The following GCDH variants were observed in gnomAD, a reference collection of about 807,000 sequenced individuals.
GCDH encodes the protein glutaryl-CoA dehydrogenase, also known as glutaryl-CoA dehydrogenase, mitochondrial.
In GCDH, 31 loss-of-function variants were observed where a neutral mutation model predicts 52.8. The ratio of observed to expected loss-of-function variants is 0.59; its 90% CI spans 0.44 to 0.79. The LOEUF is 0.79. Ranked by LOEUF, GCDH falls within the 30% of genes least tolerant of loss-of-function variation. GCDH has a pLI of 0.00. For synonymous variants in GCDH, 242 were observed against 250.0 expected (o/e 0.97, Z 0.30); for missense variants, 509 against 595.0 (o/e 0.86, Z 1.50).
At position 12,896,471 on chromosome 19, in the gene GCDH, G is replaced by A; in HGVS notation, c.852+50G>A. The A allele has an allele frequency of 1.4e-6, 2 of 1,381,884 alleles. No homozygotes were observed. Among genetic ancestry groups the A allele is most frequent in the South Asian group, 1.2e-5 (1 of 83,598 alleles). 85.6% of individuals were successfully genotyped at this position (1,381,884 alleles called of 1,614,324 possible). ...GGGTGTTGGGTCACCTGCGGATGCG[G>A]CTTTGTCAGGCAGGCTCCGTGCTGG... On this transcript the variant is annotated intron_variant, in intron 8 of 11. Coordinates refer to ENST00000222214, the MANE Select transcript of GCDH (RefSeq NM_000159.4). This position sits in a 1 kb window ranked among gnomAD's most constrained non-coding sequence, Gnocchi z 5.5.
intron 5 of GCDH, chr19:12,892,477 A>T (rs939611334): frequency 8.4e-6 from 4 of 474,918 alleles, no homozygotes; most frequent in African/African-American, 7.9e-5. Flanking sequence ...TTTTTAGTAG[A>T]GACAGGGTTT....
In GCDH at chr19:12,896,515, C is replaced by T; in HGVS notation, c.852+94C>T. The stretch of plus-strand genomic sequence containing the variant: ...GTGCTGGGGACGCGGCTCCCTGTGC[C>T]TGTGGAGCCCACACAGTGGTGATTC... On this transcript the variant is annotated intron_variant, in intron 8 of 11. Coordinates refer to ENST00000222214, the MANE Select transcript of GCDH (RefSeq NM_000159.4). The surrounding 1 kb of genome is among the most constrained non-coding windows in gnomAD (Gnocchi z 5.5). 2 of 942,790 alleles carry T rather than the reference C, an allele frequency of 2.1e-6. No homozygotes were observed. The highest frequency in any genetic ancestry group is 1.4e-5 in the South Asian group (1 of 71,980). 58.4% of individuals were successfully genotyped at this position (942,790 alleles called of 1,614,324 possible).
At position 12,896,217 on chromosome 19, in the gene GCDH, G is replaced by A. The variant is rs2145950883; in HGVS notation, c.648G>A (p.Ser216=). ...GTTCCATCCCCAGGATCACGAACTC[G>A]CCTATGGCCGATCTGTTTGTAGTGT... is the stretch of plus-strand genomic sequence containing the variant. ...LNGTKTWITN[S]PMADLFVVWA... is the part of the protein sequence containing the mutation. Residue 216 remains serine (S), a synonymous_variant, in exon 8 of 12, where the codon TCG becomes TCA. Transcript: ENST00000222214. The surrounding 1 kb of genome is among the most constrained non-coding windows in gnomAD (Gnocchi z 5.5). 4.3e-6 allele frequency: 7 copies of A among 1,614,134 alleles called. No homozygotes were observed. The highest frequency in any genetic ancestry group is 1.1e-5 in the South Asian group (1 of 91,078).
chr19:12,894,317 C>T (rs1041220143), intron 6 of GCDH: 7 of 795,666 alleles, frequency 8.8e-6, no homozygotes, highest in African/African-American at 6.8e-5. Flanking sequence ...CAAGGTTTCC[C>T]CTTGAAACAG....
rs373632930 is a variant in GCDH at position 12,899,746 on chromosome 19, C to A, written c.*205C>A. The stretch of plus-strand genomic sequence containing the variant: ...AAAGAAGATGGAATTCTCTGTAGAG[C>A]GTCTCAATCCACTTTTAACCATGGA... On this transcript the variant is annotated 3_prime_UTR_variant, in exon 12 of 12. Transcript: ENST00000222214. 1.6e-5 allele frequency: 25 copies of A among 1,610,362 alleles called. No homozygotes were observed. In the African/African-American group the frequency reaches 1.9e-4, roughly 12 times the overall value.
rs769756537 is a variant in GCDH, at chr19:12,896,557, G to A, written c.852+136G>A. ...TGGTGATTCTTACTCAGCCGGACTC[G>A]CTGACGTGCTGAAAACTGCCCCCAT... On this transcript the variant is annotated intron_variant, in intron 8 of 11. Transcript: ENST00000222214. The surrounding 1 kb of genome is among the most constrained non-coding windows in gnomAD (Gnocchi z 5.5). 1.2e-4 allele frequency: 94 copies of A among 763,302 alleles called. No individual in the cohort carries two copies. The highest frequency in any genetic ancestry group is 1.8e-4 in the Non-Finnish European group (79 of 446,362). The allele number at this position is 763,302 out of a possible 1,614,324, so 47.3% of individuals were successfully genotyped here.
chr19:12,897,915 G>T (rs746884980), intron 11 of GCDH, 52 bp downstream of exon 11: 3 of 1,497,828 alleles, frequency 2.0e-6, no homozygotes, highest in Non-Finnish European at 1.9e-6. Context: ...CTGGGGAGGG[G>T]GTACAGGGAG....
At position 12,891,286 on chromosome 19, in the gene GCDH, C is replaced by A; in HGVS notation, c.-19C>A. ...GCTCCTGTAGGTCGCCGTCGTTGCT[C>A]CGCTCGCTCTGAGAGAGCATGGCCC... On this transcript the variant is annotated 5_prime_UTR_variant, in exon 2 of 12. Transcript: ENST00000222214. The A allele has an allele frequency of 6.3e-7, 1 of 1,598,592 alleles. No individual in the cohort carries two copies. Among genetic ancestry groups the A allele is most frequent in the South Asian group, 1.1e-5 (1 of 90,922 alleles).
intron 6 of GCDH, among the ~76,000 whole-genome samples, chr19:12,895,649 T>C (rs1230276269): frequency 6.6e-6 from 1 of 152,042 alleles, no homozygotes; most frequent in Non-Finnish European, 1.5e-5. Context: ...TCTTGCTCTG[T>C]TGCCCAGGCT....
rs1568429137 is a variant in GCDH at position 12,897,738 on chromosome 19, A to G, written c.1118A>G (p.Asn373Ser). The G allele has an allele frequency of 6.2e-7, 1 of 1,614,054 alleles. No individual in the cohort carries two copies. Among genetic ancestry groups the G allele is most frequent in the Non-Finnish European group, 8.5e-7 (1 of 1,179,998 alleles). Residue 373 changes from asparagine to serine, a missense_variant, in exon 11 of 12, where the codon AAT becomes AGT. By Grantham distance (46) the Asn-to-Ser change is conservative. Transcript: ENST00000222214. The part of the protein sequence containing the change: ...APEMVSLLKR[N>S]NCGKALDIAR... ...GAGATGGTTTCTCTGCTGAAGAGGA[A>G]TAACTGTGGGAAAGCCCTGGACATC...
At chr19:12,899,162 T>C in intron 11 of GCDH, 1 of 618,874 alleles carries the variant, frequency 1.6e-6, no homozygotes, top group Non-Finnish European at 2.9e-6. Context: ...CCTGGGCCTA[T>C]GGCAGGGGCT....
chr19:12,892,810 T>C (rs1412247689), intron 5 of GCDH, among the ~76,000 whole-genome samples: 1 of 152,112 alleles, frequency 6.6e-6, no homozygotes, highest in African/African-American at 2.4e-5. Flanking sequence ...CTCGAACTCC[T>C]GACCTCAGGT....
At chr19:12,892,990 A>G (rs1240806309) in intron 5 of GCDH, among the ~76,000 whole-genome samples, 1 of 151,234 alleles carries the variant, frequency 6.6e-6, no homozygotes, top group Non-Finnish European at 1.5e-5. Flanking sequence ...GGTTCAAGCA[A>G]TTCTGCCACC....
intron 11 of GCDH, among the ~76,000 whole-genome samples, chr19:12,898,583 C>T (rs1486166434): frequency 6.6e-6 from 1 of 150,954 alleles, no homozygotes; most frequent in Non-Finnish European, 1.5e-5. Flanking sequence ...GCAGCGGGCG[C>T]CATGAGATGG....
In GCDH at chr19:12,891,314, AG is replaced by A. The variant is rs1204017689; in HGVS notation, c.11del (p.Arg4LysfsTer8). Reference protein sequence around the residue: MALRGVSVRLLSRG... With the variant: MALXGVSVRLLSRG... ...CTCGCTCTGAGAGAGCATGGCCCTG[AG>A]AGGCGTCTCCGTGCGGCTGCTGAGC... On this transcript the variant is annotated frameshift_variant, in exon 2 of 12. Transcript: ENST00000222214. LOFTEE classifies it high-confidence loss of function. The A allele has an allele frequency of 1.2e-6, 2 of 1,608,038 alleles. No homozygotes were observed. Among genetic ancestry groups the A allele is most frequent in the Admixed American group, 3.3e-5 (2 of 60,002 alleles).
At chr19:12,895,701 G>T (rs942779507) in intron 6 of GCDH, among the ~76,000 whole-genome samples, 1 of 151,204 alleles carries the variant, frequency 6.6e-6, no homozygotes, top group Non-Finnish European at 1.5e-5. Context: ...AACCTCTCCT[G>T]CCCGGGTTCA....
chr19:12,894,264 A>G (rs1970622322), intron 6 of GCDH: 2 of 954,622 alleles, frequency 2.1e-6, no homozygotes, highest in African/African-American at 3.2e-5. Context: ...TGGGTGAAGA[A>G]TGGAAGGGTT....
chr19:12,894,450 G>C, intron 6 of GCDH: 1 of 737,776 alleles, frequency 1.4e-6, no homozygotes, highest in East Asian at 2.6e-5. Context: ...ATGCCAATCT[G>C]AGTGTTCTCA....
Position 12,891,870 on chromosome 19 carries a change from T to C in GCDH, c.167T>C (p.Leu56Pro), listed in dbSNP as rs1265030225. 6.2e-7 allele frequency: 1 copy of C among 1,614,060 alleles called. No individual in the cohort carries two copies. Among genetic ancestry groups the C allele is most frequent in the Non-Finnish European group, 8.5e-7 (1 of 1,180,002 alleles). Residue 56 changes from leucine to proline, a missense_variant, in exon 4 of 12, where the codon CTG becomes CCG. Coordinates refer to ENST00000222214, the MANE Select transcript of GCDH (RefSeq NM_000159.4). ...TTTGACTGGCAGGACCCGCTGGTGC[T>C]GGAGGAGCAGCTGACCACAGATGAG... The part of the protein sequence containing the change: ...PEFDWQDPLV[L>P]EEQLTTDEIL...
Sources: gnomAD v4.1 joint callset for allele counts (sites outside exome capture counted in the v4.1 genomes callset) on GRCh38, gnomAD v4.1.1 for gene constraint, Gnocchi (gnomAD v3.1) non-coding constraint, MANE v1.5 for transcripts, NCBI Gene and HGNC (gene_info 2026-07-23, HGNC 2026-07-21) for gene names.